Variants in LRRTM4 observed in about 807,000 individuals in gnomAD.
LRRTM4 encodes the protein leucine-rich repeat transmembrane neuronal protein 4.
A neutral mutation model predicts 47.6 loss-of-function variants in LRRTM4; 25 were observed. That is an observed-to-expected ratio of 0.53 (90% CI 0.38 to 0.73). LRRTM4 has a LOEUF of 0.73. Among genes scored for constraint, LRRTM4 ranks in the 30% least tolerant of loss-of-function variants. The pLI, the probability that LRRTM4 is intolerant of heterozygous loss-of-function variation, is 0.00. For synonymous variants in LRRTM4, 311 were observed against 269.5 expected (o/e 1.15, Z -1.51); for missense variants, 638 against 713.4 (o/e 0.89, Z 1.20).
chr2:77,020,106 T>A (rs1167707423), intron 3 of LRRTM4, among the ~76,000 whole-genome samples: 1 of 152,130 alleles, frequency 6.6e-6, no homozygotes, highest in Non-Finnish European at 1.5e-5. Flanking sequence ...GTGCTTCTTT[T>A]TGCTGTATGT....
At chr2:77,032,014 A>G (rs755502486) in intron 3 of LRRTM4, among the ~76,000 whole-genome samples, 11 of 152,106 alleles carry the variant, frequency 7.2e-5, no homozygotes, top group Non-Finnish European at 1.3e-4. Flanking sequence ...TAAAGATATT[A>G]AGAATCTGAT....
At position 77,329,496 on chromosome 2, in the gene LRRTM4, A is replaced by G. The variant is rs116281528; in HGVS notation, c.1551+188822T>C. ...AGGGATGACTGTCAATTTTAAAGAA[A>G]GAAAAGCCAGCTTGGTAAATCTAGA... On this transcript the variant is annotated intron_variant, in intron 3 of 3. Coordinates refer to ENST00000409884, the MANE Select transcript of LRRTM4 (RefSeq NM_001134745.3). Among the ~76,000 whole-genome samples, 1,108 of 152,326 alleles carry G rather than the reference A, an allele frequency of 7.3e-3. 19 individuals are homozygous for G. Among genetic ancestry groups the G allele is most frequent in the African/African-American group, 0.026 (1,072 of 41,582 alleles).
chr2:76,753,192 C>T (rs1346643826), intron 3 of LRRTM4, among the ~76,000 whole-genome samples: 1 of 152,104 alleles, frequency 6.6e-6, no homozygotes, highest in Admixed American at 6.5e-5. Context: ...CACTTTAATC[C>T]TCTTGAGTTT....
intron 3 of LRRTM4, among the ~76,000 whole-genome samples, chr2:76,900,133 T>C (rs1673573298): frequency 6.6e-6 from 1 of 151,996 alleles, no homozygotes; most frequent in African/African-American, 2.4e-5. Context: ...CTTGGGAGGC[T>C]TGAGGTGGGA....
chr2:77,429,117 G>A (rs932958639), intron 3 of LRRTM4, among the ~76,000 whole-genome samples: 3 of 152,186 alleles, frequency 2.0e-5, no homozygotes, highest in Non-Finnish European at 4.4e-5. Flanking sequence ...AATGCTGAAT[G>A]AGTGGGAGTA....
chr2:77,062,020 T>C (rs1444242855), intron 3 of LRRTM4, among the ~76,000 whole-genome samples: 1 of 152,196 alleles, frequency 6.6e-6, no homozygotes, highest in Admixed American at 6.5e-5. Flanking sequence ...AAATAGCTAA[T>C]GTTCCAGAAT....
intron 3 of LRRTM4, among the ~76,000 whole-genome samples, chr2:77,437,731 G>T (rs1285340944): frequency 6.6e-6 from 1 of 152,080 alleles, no homozygotes; most frequent in Admixed American, 6.5e-5. Flanking sequence ...TAGGGTTTTT[G>T]TGTTTCTATG....
At position 77,051,947 on chromosome 2, in the gene LRRTM4, T is replaced by C. The variant is rs1023718550; in HGVS notation, c.1552-303031A>G. Reference sequence around the variant, plus strand: ...ATGTAATTGTTTCTTGGGTCTTAAATGCTTTCATTTCCATTTTATCCTTGA... The same window carrying C: ...ATGTAATTGTTTCTTGGGTCTTAAACGCTTTCATTTCCATTTTATCCTTGA... On this transcript the variant is annotated intron_variant, in intron 3 of 3. Coordinates refer to ENST00000409884, the MANE Select transcript of LRRTM4 (RefSeq NM_001134745.3). Among the ~76,000 whole-genome samples, 5 of 152,294 alleles carry C rather than the reference T, an allele frequency of 3.3e-5. No homozygotes were observed. In the East Asian group the frequency reaches 9.7e-4, roughly 29 times the overall value.
intron 3 of LRRTM4, among the ~76,000 whole-genome samples, chr2:77,473,777 C>A (rs1677277833): frequency 6.6e-6 from 1 of 152,124 alleles, no homozygotes; most frequent in Non-Finnish European, 1.5e-5. Context: ...TTCATTGGTA[C>A]CAGTGTATGT....
At chr2:77,402,902 T>G (rs424588) in intron 3 of LRRTM4, among the ~76,000 whole-genome samples, 49,223 of 151,614 alleles carry the variant, frequency 0.32, 8,921 homozygotes, top group East Asian at 0.52. Flanking sequence ...AATCTGCCAC[T>G]GTATGGCTCT....
chr2:76,901,817 A>T lies in LRRTM4; in HGVS notation c.1552-152901T>A, dbSNP rs541976657. ...TGCACACTGGATCTGGCAGTAACTTAGCTGACAGAACTGGGCACCATTTAC... is the reference window on the plus strand; with the variant it reads ...TGCACACTGGATCTGGCAGTAACTTTGCTGACAGAACTGGGCACCATTTAC... On this transcript the variant is annotated intron_variant, in intron 3 of 3. Coordinates refer to ENST00000409884, the MANE Select transcript of LRRTM4 (RefSeq NM_001134745.3). Among the ~76,000 whole-genome samples, 13 of 152,296 alleles carry T rather than the reference A, an allele frequency of 8.5e-5. No homozygotes were observed. The East Asian group carries it at 2.5e-3, about 29-fold the overall frequency.
chr2:76,797,673 A>G (rs563791891), intron 3 of LRRTM4, among the ~76,000 whole-genome samples: 1 of 151,538 alleles, frequency 6.6e-6, no homozygotes, highest in Non-Finnish European at 1.5e-5. Flanking sequence ...AGACTGGCAA[A>G]TTGGATAAAG....
At chr2:76,811,415 G>A (rs1400846) in intron 3 of LRRTM4, among the ~76,000 whole-genome samples, 19,925 of 152,108 alleles carry the variant, frequency 0.13, 1,582 homozygotes, top group East Asian at 0.29. Context: ...TGTGAGCAAG[G>A]ACAAAACAAC....
At chr2:77,324,544 A>G (rs922305365) in intron 3 of LRRTM4, among the ~76,000 whole-genome samples, 5 of 152,146 alleles carry the variant, frequency 3.3e-5, no homozygotes, top group African/African-American at 7.2e-5. Context: ...GGAGAAGGAC[A>G]ACAGCATTCA....
intron 3 of LRRTM4, among the ~76,000 whole-genome samples, chr2:76,811,107 G>T (rs1466691725): frequency 1.3e-5 from 2 of 152,066 alleles, no homozygotes; most frequent in African/African-American, 2.4e-5. Context: ...CCACACTTTA[G>T]CCTCCTCCTT....
At chr2:77,255,023 T>C (rs1263659415) in intron 3 of LRRTM4, among the ~76,000 whole-genome samples, 1 of 151,926 alleles carries the variant, frequency 6.6e-6, no homozygotes, top group Admixed American at 6.6e-5. Flanking sequence ...GTGATGCTAC[T>C]ACATGTTGTC....
chr2:76,932,966 G>A (rs1411599257), intron 3 of LRRTM4, among the ~76,000 whole-genome samples: 1 of 152,026 alleles, frequency 6.6e-6, no homozygotes, highest in East Asian at 1.9e-4. Context: ...TCTACATTAG[G>A]TATGAAATGA....
intron 3 of LRRTM4, among the ~76,000 whole-genome samples, chr2:77,135,761 A>G (rs567885192): frequency 9.2e-5 from 14 of 152,298 alleles, no homozygotes; most frequent in Non-Finnish European, 1.8e-4. Context: ...GGCTTAAAAA[A>G]TATCTTGAAA....
chr2:77,290,089 A>G (rs930464934), intron 3 of LRRTM4, among the ~76,000 whole-genome samples: 17 of 152,110 alleles, frequency 1.1e-4, no homozygotes, highest in African/African-American at 4.1e-4. Context: ...AATGAAACAT[A>G]TAAAATTGAA....
Sources: gnomAD v4.1 joint callset for allele counts (sites outside exome capture counted in the v4.1 genomes callset) on GRCh38, gnomAD v4.1.1 for gene constraint, MANE v1.5 for transcripts, NCBI Gene and HGNC (gene_info 2026-07-23, HGNC 2026-07-21) for gene names.